Variants in PCDH7 observed in about 807,000 individuals in gnomAD.
PCDH7 encodes the protein protocadherin-7.
In PCDH7, 17 loss-of-function variants were observed where a neutral mutation model predicts 58.9. That is an observed-to-expected ratio of 0.29 (90% CI 0.20 to 0.43). PCDH7 has a LOEUF of 0.43. Ranked by LOEUF, PCDH7 falls within the 20% of genes least tolerant of loss-of-function variation. The probability of loss-of-function intolerance (pLI) is 1.00; values close to 1 mark genes in which losing one functional copy is unlikely to be tolerated. For missense variants in PCDH7, 1,274 were observed against 1,441.0 expected, an observed-to-expected ratio of 0.88 and a Z score of 1.88; for synonymous variants, 664 against 616.4, an observed-to-expected ratio of 1.08 and a Z score of -1.14.
chr4:31,132,715 C>T (rs552156209), intron 3 of PCDH7, among the ~76,000 whole-genome samples: 3 of 152,228 alleles, frequency 2.0e-5, no homozygotes, highest in East Asian at 3.9e-4. Flanking sequence ...ATAAACAGTG[C>T]CCCATTTGCA....
intron 3 of PCDH7, among the ~76,000 whole-genome samples, chr4:31,013,269 T>G (rs1267148836): frequency 7.1e-6 from 1 of 140,136 alleles, no homozygotes; most frequent in Admixed American, 7.1e-5. Context: ...TTTCTGTGTA[T>G]TTAATGAAGA....
intron 1 of PCDH7, among the ~76,000 whole-genome samples, chr4:30,758,949 T>TC: frequency 6.7e-6 from 1 of 149,532 alleles, no homozygotes; most frequent in East Asian, 2.0e-4. Context: ...TGTTTTTTTT[T>TC]TTTTTTTTTT....
At chr4:31,097,965 C>A (rs1714373690) in intron 3 of PCDH7, among the ~76,000 whole-genome samples, 1 of 152,050 alleles carries the variant, frequency 6.6e-6, no homozygotes, top group Non-Finnish European at 1.5e-5. Flanking sequence ...GATTCTTAAT[C>A]TAAATGAATG....
At chr4:30,794,897 A>G (rs931196231) in intron 1 of PCDH7, among the ~76,000 whole-genome samples, 5 of 152,178 alleles carry the variant, frequency 3.3e-5, no homozygotes, top group African/African-American at 1.2e-4. Flanking sequence ...AGACAATCAG[A>G]AAGTTCCAGT....
chr4:31,108,094 ATG>A (rs764588828), intron 3 of PCDH7, among the ~76,000 whole-genome samples: 8 of 152,106 alleles, frequency 5.3e-5, no homozygotes. Flanking sequence ...TATGTCACTG[ATG>A]CTAGCCAAAG....
rs5857206 is a variant in PCDH7, at chr4:30,837,899, T to TTATA, written c.71-82239_71-82236dup. ...AAAATATATATTTATTATGTATATT[T>TTATA]TATATATATATATATATAACATTAT... On this transcript the variant is annotated intron_variant, in intron 1 of 3. Transcript: ENST00000509759. 3.3e-3 allele frequency among the ~76,000 whole-genome samples: 475 copies of TTATA among 146,134 alleles called. 2 individuals carry two copies. The highest frequency in any genetic ancestry group is 0.011 in the African/African-American group (446 of 40,246).
intron 3 of PCDH7, among the ~76,000 whole-genome samples, chr4:31,139,767 TG>T (rs1368557210): frequency 6.6e-6 from 1 of 152,228 alleles, no homozygotes; most frequent in Non-Finnish European, 1.5e-5. Context: ...TTTGATTGCT[TG>T]TGATGAATCT....
chr4:31,140,508 GAA>G (rs59590919), intron 3 of PCDH7, among the ~76,000 whole-genome samples: 7 of 123,134 alleles, frequency 5.7e-5, no homozygotes, highest in Admixed American at 2.6e-4. Flanking sequence ...TTGAAGCAGT[GAA>G]AAAAAAAAAA....
At chr4:31,101,111 A>G (rs1273759121) in intron 3 of PCDH7, among the ~76,000 whole-genome samples, 1 of 151,424 alleles carries the variant, frequency 6.6e-6, no homozygotes, top group Non-Finnish European at 1.5e-5. Context: ...TTTTTTTTTC[A>G]TTTCTTATTC....
In PCDH7 at chr4:30,767,273, T is replaced by A. The variant is rs2109274996; in HGVS notation, c.70+42677T>A. Among the ~76,000 whole-genome samples, 5 of 152,300 alleles carry A rather than the reference T, an allele frequency of 3.3e-5. No homozygotes were observed. The South Asian group carries it at 1.0e-3, about 32-fold the overall frequency. On this transcript the variant is annotated intron_variant, in intron 1 of 3. Coordinates refer to the PCDH7 transcript ENST00000509759. ...AATATGGAGTCTTTGTTCAGTATGT[T>A]GTCAGGTAAGAATTAGCGGTCTACA...
chr4:30,814,644 C>G (rs1727442154), intron 1 of PCDH7, among the ~76,000 whole-genome samples: 1 of 152,016 alleles, frequency 6.6e-6, no homozygotes, highest in Admixed American at 6.6e-5. Flanking sequence ...ATTCATTACT[C>G]TCTCACTTAA....
chr4:30,956,547 A>G (rs565115198), intron 3 of PCDH7, among the ~76,000 whole-genome samples: 2 of 152,342 alleles, frequency 1.3e-5, no homozygotes, highest in East Asian at 3.9e-4. Context: ...TTATTGAAGT[A>G]TAACTGACTA....
At chr4:30,844,521 T>A (rs966081498) in intron 1 of PCDH7, among the ~76,000 whole-genome samples, 1 of 152,206 alleles carries the variant, frequency 6.6e-6, no homozygotes, top group African/African-American at 2.4e-5. Context: ...GGAGCTTTTC[T>A]AGCTTTTTCA....
chr4:30,911,042 G>A (rs533404548), intron 1 of PCDH7, among the ~76,000 whole-genome samples: 1 of 152,260 alleles, frequency 6.6e-6, no homozygotes, highest in Admixed American at 6.5e-5. Context: ...ATCCTTGTCA[G>A]CAAACTAACA....
intron 1 of PCDH7, among the ~76,000 whole-genome samples, chr4:30,777,396 A>G (rs1722212978): frequency 6.6e-6 from 1 of 152,216 alleles, no homozygotes; most frequent in Non-Finnish European, 1.5e-5. Flanking sequence ...ATCCTGTAAT[A>G]CATACATTAT....
chr4:30,907,175 A>G (rs1447500218), intron 1 of PCDH7, among the ~76,000 whole-genome samples: 1 of 152,192 alleles, frequency 6.6e-6, no homozygotes, highest in Non-Finnish European at 1.5e-5. Flanking sequence ...TATGAAGATG[A>G]AGAACACTGG....
intron 1 of PCDH7, among the ~76,000 whole-genome samples, chr4:30,916,376 A>G (rs1742478841): frequency 6.6e-6 from 1 of 152,196 alleles, no homozygotes; most frequent in Non-Finnish European, 1.5e-5. Flanking sequence ...TCACTTACCT[A>G]AAGAAATTCT....
intron 3 of PCDH7, among the ~76,000 whole-genome samples, chr4:31,142,194 G>A (rs947929063): frequency 3.9e-5 from 6 of 152,006 alleles, no homozygotes; most frequent in Non-Finnish European, 7.4e-5. Context: ...TCATGTCCCT[G>A]TCCTGTAACA....
At chr4:30,897,169 G>T (rs1445382333) in intron 1 of PCDH7, among the ~76,000 whole-genome samples, 3 of 151,954 alleles carry the variant, frequency 2.0e-5, no homozygotes, top group African/African-American at 7.2e-5. Context: ...CTCCCAAAGT[G>T]CTGGGATTAC....
Sources: gnomAD v4.1 joint callset for allele counts (sites outside exome capture counted in the v4.1 genomes callset) on GRCh38, gnomAD v4.1.1 for gene constraint, MANE v1.5 for transcripts, NCBI Gene and HGNC (gene_info 2026-07-23, HGNC 2026-07-21) for gene names.